The following CTDSPL2 variants were observed in gnomAD, a reference collection of about 807,000 sequenced individuals.
CTDSPL2 encodes the protein CTD small phosphatase-like protein 2.
Under a neutral mutation model 60.0 loss-of-function variants are expected in CTDSPL2, and 5 were observed. The observed-to-expected ratio is 0.08, with a 90% CI of 0.04 to 0.18. CTDSPL2 has a LOEUF of 0.18. CTDSPL2 is among the 10% of genes least tolerant of loss of function. The probability of loss-of-function intolerance (pLI) is 1.00; values close to 1 mark genes in which losing one functional copy is unlikely to be tolerated. For synonymous variants in CTDSPL2, 186 were observed against 189.3 expected (o/e 0.98, Z 0.14); for missense variants, 370 against 548.8 (o/e 0.67, Z 3.26).
rs181952336 is a variant in CTDSPL2 at position 44,432,481 on chromosome 15, G to A, written c.-25+4709G>A. Among the ~76,000 whole-genome samples, 269 of 151,800 alleles carry A rather than the reference G, an allele frequency of 1.8e-3. 1 individual carries two copies. In the Middle Eastern group the frequency reaches 0.024, roughly 13 times the overall value. ...ATTATAGGCACACGCCACCATGCTC[G>A]GCTAATTTTTGTATTTTTTTAGTAG... On this transcript the variant is annotated intron_variant, in intron 1 of 12. Coordinates refer to ENST00000260327, the MANE Select transcript of CTDSPL2 (RefSeq NM_016396.3).
At chr15:44,433,952 T>TC in intron 1 of CTDSPL2, among the ~76,000 whole-genome samples, 1 of 128,960 alleles carries the variant, frequency 7.8e-6, no homozygotes, top group Non-Finnish European at 1.6e-5. Context: ...GACTCTCGTC[T>TC]CAAAAAAAAA....
rs2081897228 is a variant in CTDSPL2, at chr15:44,527,712, C to G, written c.*3538C>G. ...TAAATTAACTTAGTTAATAGTTACC[C>G]ACCGAATAACTATGCCAAGCAACTA... On this transcript the variant is annotated 3_prime_UTR_variant, in exon 13 of 13. Coordinates refer to ENST00000260327, the MANE Select transcript of CTDSPL2 (RefSeq NM_016396.3). 6.6e-6 allele frequency: 1 copy of G among 152,106 alleles called. No homozygotes were observed. Among genetic ancestry groups the G allele is most frequent in the Non-Finnish European group, 1.5e-5 (1 of 68,008 alleles). The allele number at this position is 152,106 out of a possible 1,614,324, so 9.4% of individuals were successfully genotyped here.
chr15:44,433,272 GCCATCC>G (rs2079898931), intron 1 of CTDSPL2, among the ~76,000 whole-genome samples: 1 of 148,182 alleles, frequency 6.7e-6, no homozygotes. Flanking sequence ...CCGTGAGGGT[GCCATCC>G]ATTGCACTCC....
At chr15:44,467,071 T>G (rs1200212554) in intron 2 of CTDSPL2, among the ~76,000 whole-genome samples, 1 of 152,222 alleles carries the variant, frequency 6.6e-6, no homozygotes, top group East Asian at 1.9e-4. Context: ...AGTATTATAA[T>G]CTTACGAGAC....
chr15:44,508,645 G>A (rs908190796), intron 8 of CTDSPL2, among the ~76,000 whole-genome samples: 17 of 152,108 alleles, frequency 1.1e-4, no homozygotes, highest in Non-Finnish European at 2.9e-5. Context: ...ATGGTCTGCC[G>A]GGCGCTGTGG....
chr15:44,476,762 A>G (rs575638399), intron 2 of CTDSPL2, among the ~76,000 whole-genome samples: 21 of 152,336 alleles, frequency 1.4e-4, no homozygotes, highest in Non-Finnish European at 2.5e-4. Context: ...TTGTACAGTG[A>G]TGGAATTGCT....
intron 10 of CTDSPL2, among the ~76,000 whole-genome samples, chr15:44,518,202 G>A (rs1370403660): frequency 6.6e-6 from 1 of 152,116 alleles, no homozygotes; most frequent in African/African-American, 2.4e-5. Context: ...TTGTAAAATT[G>A]TTAGTGTGAT....
At chr15:44,433,949 G>A (rs1411393031) in intron 1 of CTDSPL2, among the ~76,000 whole-genome samples, 2 of 134,722 alleles carry the variant, frequency 1.5e-5, no homozygotes, top group South Asian at 2.4e-4. Flanking sequence ...CAAGACTCTC[G>A]TCTCAAAAAA....
intron 1 of CTDSPL2, among the ~76,000 whole-genome samples, chr15:44,452,872 A>G (rs1437053110): frequency 1.3e-5 from 2 of 151,768 alleles, no homozygotes; most frequent in African/African-American, 2.4e-5. Context: ...TGTTTTTTCT[A>G]TTGGCTTGTT....
chr15:44,466,044 C>T (rs2080681630), intron 2 of CTDSPL2, among the ~76,000 whole-genome samples: 1 of 152,042 alleles, frequency 6.6e-6, no homozygotes, highest in Non-Finnish European at 1.5e-5. Flanking sequence ...AAGCAATTCT[C>T]CTGCCTCAGC....
chr15:44,504,319 C>T (rs1180493150), intron 8 of CTDSPL2, among the ~76,000 whole-genome samples: 4 of 152,072 alleles, frequency 2.6e-5, no homozygotes, highest in Non-Finnish European at 5.9e-5. Context: ...CACTGCACTC[C>T]AGCCTGGGCG....
intron 7 of CTDSPL2, among the ~76,000 whole-genome samples, chr15:44,498,104 G>A (rs2081331368): frequency 6.6e-6 from 1 of 151,986 alleles, no homozygotes; most frequent in Admixed American, 6.6e-5. Flanking sequence ...TCTGCCTCTT[G>A]ATTTCTTATT....
intron 8 of CTDSPL2, 100 bp from the exon 9 acceptor site, chr15:44,514,498 C>A: frequency 1.3e-6 from 1 of 754,342 alleles, no homozygotes; most frequent in Non-Finnish European, 2.3e-6. Flanking sequence ...AAAACATGAA[C>A]TTTTTCATTA....
chr15:44,486,765 T>C, intron 4 of CTDSPL2, 65 bp downstream of exon 4: 8 of 1,242,218 alleles, frequency 6.4e-6, no homozygotes, highest in Non-Finnish European at 8.9e-6. Context: ...TGGGTTTTTT[T>C]TTTTTTTTTT....
intron 8 of CTDSPL2, among the ~76,000 whole-genome samples, chr15:44,508,223 C>T (rs559143486): frequency 2.0e-5 from 3 of 152,112 alleles, no homozygotes; most frequent in East Asian, 3.9e-4. Context: ...GCCGGGACTA[C>T]GGGCGAGTGC....
At chr15:44,463,303 G>A (rs569153187) in intron 2 of CTDSPL2, among the ~76,000 whole-genome samples, 33 of 151,860 alleles carry the variant, frequency 2.2e-4, no homozygotes, top group African/African-American at 8.0e-4. Flanking sequence ...CACCATACCT[G>A]GCTGATTTTT....
chr15:44,461,343 A>C (rs559751293), intron 2 of CTDSPL2, among the ~76,000 whole-genome samples: 1 of 152,318 alleles, frequency 6.6e-6, no homozygotes, highest in Admixed American at 6.5e-5. Context: ...CCAATAACAT[A>C]AACAATCATT....
At position 44,521,963 on chromosome 15, in the gene CTDSPL2, AC is replaced by A. The variant is rs1219448504; in HGVS notation, c.1335+558del. Among the ~76,000 whole-genome samples, 744 of 144,218 alleles carry A rather than the reference AC, an allele frequency of 5.2e-3. 27 individuals carry two copies. Among genetic ancestry groups the A allele is most frequent in the African/African-American group, 0.018 (713 of 39,106 alleles). The allele number at this position is 144,218 out of a possible 152,430, so 94.6% of individuals were successfully genotyped here. ...AAAAAAAAAAAAAAAAAAAAAAAAA[AC>A]ATGATGATGATGATGATGATAAAGT... is the stretch of plus-strand genomic sequence containing the variant. On this transcript the variant is annotated intron_variant, in intron 12 of 12. Coordinates refer to ENST00000260327, the MANE Select transcript of CTDSPL2 (RefSeq NM_016396.3).
intron 1 of CTDSPL2, among the ~76,000 whole-genome samples, chr15:44,455,913 A>C (rs1237528419): frequency 7.2e-6 from 1 of 139,688 alleles, no homozygotes; most frequent in East Asian, 2.1e-4. Flanking sequence ...GCAGTGGCAC[A>C]ATCTCGGCTC....
Sources: gnomAD v4.1 joint callset for allele counts (sites outside exome capture counted in the v4.1 genomes callset) on GRCh38, gnomAD v4.1.1 for gene constraint, MANE v1.5 for transcripts, NCBI Gene and HGNC (gene_info 2026-07-23, HGNC 2026-07-21) for gene names.